Variants in SDAD1 observed in about 807,000 individuals in gnomAD.
SDAD1 encodes the protein SDA1 domain containing 1.
A neutral mutation model predicts 100.3 loss-of-function variants in SDAD1; 79 were observed. The observed-to-expected ratio is 0.79, with a 90% CI of 0.66 to 0.95. SDAD1 has a LOEUF of 0.95. Among genes scored for constraint, SDAD1 ranks in the 40% least tolerant of loss-of-function variants. SDAD1 has a pLI of 0.00. For missense variants in SDAD1, 790 were observed against 810.9 expected (o/e 0.97, Z 0.31); for synonymous variants, 267 against 271.4 (o/e 0.98, Z 0.16).
intron 20 of SDAD1, among the ~76,000 whole-genome samples, chr4:75,956,443 T>G (rs1448239886): frequency 2.1e-5 from 3 of 142,350 alleles, no homozygotes; most frequent in Admixed American, 7.2e-5. Context: ...GCATTCATGG[T>G]AAGGGAAAGG....
intron 1 of SDAD1, among the ~76,000 whole-genome samples, chr4:75,984,042 G>C (rs960313731): frequency 7.2e-5 from 11 of 152,040 alleles, no homozygotes; most frequent in African/African-American, 2.7e-4. Context: ...TATTAAATAG[G>C]GAATCCTTTC....
chr4:75,972,303 T>A (rs151268713), intron 8 of SDAD1, among the ~76,000 whole-genome samples: 1,576 of 152,096 alleles, frequency 0.01, 26 homozygotes, highest in African/African-American at 0.036. Flanking sequence ...TGTGGAAGCT[T>A]TGTTCTTTCA....
intron 21 of SDAD1, among the ~76,000 whole-genome samples, chr4:75,952,869 T>C (rs1010359932): frequency 6.6e-6 from 1 of 152,222 alleles, no homozygotes; most frequent in African/African-American, 2.4e-5. Context: ...TTGAACTACA[T>C]GTTGAAACAA....
chr4:75,984,200 C>T (rs4382064), intron 1 of SDAD1, among the ~76,000 whole-genome samples: 2 of 151,842 alleles, frequency 1.3e-5, no homozygotes. Context: ...CTCCCTCTGT[C>T]ACCCAAGCTG....
At position 75,975,809 on chromosome 4, in the gene SDAD1, A is replaced by C. The variant is rs774476923; in HGVS notation, c.513T>G (p.Asp171Glu). 6.2e-6 allele frequency: 10 copies of C among 1,613,934 alleles called. No homozygotes were observed. In the Admixed American group the frequency reaches 8.3e-5, roughly 13 times the overall value. ...LQNFMYTMLRDSNATAAKMSL... is the reference protein window; with the variant it reads ...LQNFMYTMLRESNATAAKMSL... ...ACATCTTGGCTGCGGTTGCATTGCT[A>C]TCTCTTAACATGGTGTACATGAAAT... Residue 171 changes from aspartate to glutamate, a missense_variant, in exon 6 of 22, where the codon GAT becomes GAG. Physicochemically the swap from Asp to Glu is conservative, Grantham distance 45. Coordinates refer to ENST00000356260, the MANE Select transcript of SDAD1 (RefSeq NM_018115.4).
At chr4:75,951,139 G>A (rs1003846124) in intron 21 of SDAD1, among the ~76,000 whole-genome samples, 2 of 152,104 alleles carry the variant, frequency 1.3e-5, no homozygotes, top group African/African-American at 4.8e-5. Flanking sequence ...TTTTGGAGTT[G>A]TGGATGGAAT....
intron 1 of SDAD1, among the ~76,000 whole-genome samples, chr4:75,984,785 A>ACACACACAC (rs1368019888): frequency 6.9e-6 from 1 of 145,938 alleles, no homozygotes; most frequent in East Asian, 2.0e-4. Context: ...ACAAACACAC[A>ACACACACAC]CACACACACA....
chr4:75,961,339 C>G, intron 14 of SDAD1, 31 bp from the exon 15 acceptor site: 2 of 1,497,876 alleles, frequency 1.3e-6, no homozygotes, highest in Non-Finnish European at 1.8e-6. Context: ...TTTAAAAGAG[C>G]CCGAATAGCA....
chr4:75,975,800 T>C lies in SDAD1; in HGVS notation c.522A>G (p.Ala174=). Reference sequence around the variant, plus strand: ...CATCTAAAGACATCTTGGCTGCGGTTGCATTGCTATCTCTTAACATGGTGT... The same window carrying C: ...CATCTAAAGACATCTTGGCTGCGGTCGCATTGCTATCTCTTAACATGGTGT... ...FMYTMLRDSN[A]TAAKMSLDVM... Residue 174 remains alanine (A), a synonymous_variant, in exon 6 of 22, where the codon GCA becomes GCG. Transcript: ENST00000356260. 1 of 1,614,052 alleles carries C rather than the reference T, an allele frequency of 6.2e-7. No homozygotes were observed. The highest frequency in any genetic ancestry group is 1.3e-5 in the African/African-American group (1 of 75,048).
At chr4:75,958,917 G>C (rs1272385852) in intron 17 of SDAD1, among the ~76,000 whole-genome samples, 1 of 151,258 alleles carries the variant, frequency 6.6e-6, no homozygotes, top group Non-Finnish European at 1.5e-5. Context: ...CTAAAACGGT[G>C]AAACCCCGTC....
intron 11 of SDAD1, 105 bp downstream of exon 11, chr4:75,969,191 G>A (rs1238824897): frequency 2.9e-6 from 2 of 680,522 alleles, no homozygotes; most frequent in Admixed American, 2.8e-5. Flanking sequence ...GTGTTTAAAT[G>A]TATGAGGGAT....
chr4:75,982,115 TTAG>T, intron 1 of SDAD1, 78 bp from the exon 2 acceptor site: 1 of 807,648 alleles, frequency 1.2e-6, no homozygotes. Flanking sequence ...AGAGAAATTC[TTAG>T]TAGAAACTGT....
intron 8 of SDAD1, among the ~76,000 whole-genome samples, chr4:75,972,695 C>T: frequency 6.9e-6 from 1 of 144,986 alleles, no homozygotes; most frequent in African/African-American, 2.5e-5. Flanking sequence ...TTTATGCCAT[C>T]ATGAATCTTG....
chr4:75,957,007 G>A (rs1215082094), intron 20 of SDAD1, among the ~76,000 whole-genome samples: 7 of 152,198 alleles, frequency 4.6e-5, no homozygotes, highest in African/African-American at 1.7e-4. Context: ...CTACTTAGGA[G>A]GCTGAAGCAG....
At chr4:75,967,683 G>A (rs2271528) in intron 11 of SDAD1, among the ~76,000 whole-genome samples, 33,720 of 152,134 alleles carry the variant, frequency 0.22, 4,193 homozygotes, top group East Asian at 0.37. Flanking sequence ...ATTATAGGAA[G>A]GAACAGCATT....
intron 10 of SDAD1, 59 bp from the exon 11 acceptor site, chr4:75,969,458 G>T: frequency 9.0e-7 from 1 of 1,115,930 alleles, no homozygotes; most frequent in South Asian, 1.3e-5. Flanking sequence ...TGACATTTAT[G>T]TAACAGGCGT....
At chr4:75,982,534 G>A (rs757678970) in intron 1 of SDAD1, among the ~76,000 whole-genome samples, 4 of 151,990 alleles carry the variant, frequency 2.6e-5, no homozygotes, top group African/African-American at 4.8e-5. Context: ...TGTAATTCCA[G>A]CTACTCAACA....
In SDAD1 at chr4:75,960,330, G is replaced by A. The variant is rs189873526; in HGVS notation, c.1357-138C>T. 2.7e-3 allele frequency: 2,041 copies of A among 768,918 alleles called. 8 individuals carry two copies. The highest frequency in any genetic ancestry group is 3.3e-3 in the Non-Finnish European group (1,728 of 520,282). 47.6% of individuals were successfully genotyped at this position (768,918 alleles called of 1,614,324 possible). ...CTTGCTCTGTTGCCCAGACTGGAGT[G>A]CAGTGGTACAATCTCAGCTCACTAC... On this transcript the variant is annotated intron_variant, in intron 16 of 21. Transcript: ENST00000356260.
intron 3 of SDAD1, among the ~76,000 whole-genome samples, chr4:75,979,550 G>C (rs568302212): frequency 6.6e-6 from 1 of 151,888 alleles, no homozygotes; most frequent in East Asian, 1.9e-4. Context: ...CCGCCTCCCA[G>C]GTTCAAGCAA....
Sources: allele counts gnomAD v4.1 joint callset (sites outside exome capture counted in the v4.1 genomes callset), GRCh38; gene constraint gnomAD v4.1.1; transcripts MANE v1.5; gene names NCBI Gene and HGNC (gene_info 2026-07-23, HGNC 2026-07-21).